Variants in COX4I2 observed in about 807,000 individuals in gnomAD.
COX4I2 encodes cytochrome c oxidase subunit 4 isoform 2, mitochondrial.
Under a neutral mutation model 20.8 loss-of-function variants are expected in COX4I2, and 15 were observed. The ratio of observed to expected loss-of-function variants is 0.72; its 90% confidence interval spans 0.48 to 1.11. The LOEUF (loss-of-function observed/expected upper bound fraction) is 1.11, where lower values mean the gene tolerates loss of function less well. COX4I2 is among the 50% of genes most tolerant of loss of function. COX4I2 has a pLI of 0.00. For synonymous variants in COX4I2, 80 were observed against 78.1 expected, an observed-to-expected ratio of 1.02 and a Z score of -0.13; for missense variants, 224 against 223.0, an observed-to-expected ratio of 1.00 and a Z score of -0.03.
In COX4I2 at chr20:31,643,434, C is replaced by T. The variant is rs778959493; in HGVS notation, c.278C>T (p.Ala93Val). 59 of 1,614,060 alleles carry T rather than the reference C, an allele frequency of 3.7e-5. No homozygotes were observed. The highest frequency in any genetic ancestry group is 4.3e-5 in the Non-Finnish European group (51 of 1,180,038). ...LYRLQFNETF[A>V]EMNRRSNEWK... ...CGGCTCCAGTTCAATGAGACCTTTGCGGAGATGAACCGTCGCTCCAATGAG... is the reference window on the plus strand; with the variant it reads ...CGGCTCCAGTTCAATGAGACCTTTGTGGAGATGAACCGTCGCTCCAATGAG... Residue 93 changes from alanine (A) to valine (V), a missense_variant, in exon 4 of 5, where the codon GCG becomes GTG. Coordinates refer to ENST00000376075, the MANE Select transcript of COX4I2 (RefSeq NM_032609.3).
At chr20:31,640,228 G>A in intron 3 of COX4I2, 131 bp downstream of exon 3, 1 of 916,664 alleles carries the variant, frequency 1.1e-6, no homozygotes, top group Non-Finnish European at 1.6e-6. Flanking sequence ...CCTGAGGGGT[G>A]AAGTTCATGC....
rs1006541943 is a variant in COX4I2, at chr20:31,639,995, C to G, written c.145C>G (p.Pro49Ala). The change falls in exon 3 of 5, where the codon CCA (proline) becomes GCA (alanine). Residue 49 changes from proline (P) to alanine (A), a missense_variant. Coordinates refer to ENST00000376075, the MANE Select transcript of COX4I2 (RefSeq NM_032609.3). ...CTATGCCCAGCGCTACTACCCCATG[C>G]CAGAAGAGCCCTTCTGCACAGAACT... ...NCYAQRYYPM[P>A]EEPFCTELNA... is the part of the protein sequence containing the mutation. 6.2e-7 allele frequency: 1 copy of G among 1,614,074 alleles called. No individual in the cohort carries two copies. Among genetic ancestry groups the G allele is most frequent in the African/African-American group, 1.3e-5 (1 of 75,052 alleles).
At chr20:31,643,261 C>T (rs1246998683) in intron 3 of COX4I2, 143 bp from the exon 4 acceptor site, 2 of 975,050 alleles carry the variant, frequency 2.1e-6, no homozygotes, top group Non-Finnish European at 3.3e-6. Flanking sequence ...ACTGCTGTCA[C>T]CTGTTCCTGG....
At chr20:31,643,049 T>C (rs2060477218) in intron 3 of COX4I2, among the ~76,000 whole-genome samples, 1 of 152,236 alleles carries the variant, frequency 6.6e-6, no homozygotes, top group Non-Finnish European at 1.5e-5. Flanking sequence ...ACTTCACACT[T>C]TCCCTACCCA....
rs2060488294 is a variant in COX4I2 at position 31,644,925 on chromosome 20, C to A, written c.*21C>A. ...AGTGACTTGCATCCCCAGCTGTCTC[C>A]CTGAGGCTCCGCCCTGGCTGGGAGC... On this transcript the variant is annotated 3_prime_UTR_variant, in exon 5 of 5. Transcript: ENST00000376075. 1.9e-6 allele frequency: 3 copies of A among 1,611,612 alleles called. No homozygotes were observed. Among genetic ancestry groups the A allele is most frequent in the Non-Finnish European group, 2.5e-6 (3 of 1,179,062 alleles).
chr20:31,640,293 A>G (rs2060460528), intron 3 of COX4I2, among the ~76,000 whole-genome samples, 196 bp downstream of exon 3: 1 of 152,170 alleles, frequency 6.6e-6, no homozygotes. Flanking sequence ...ATGCTAGGCA[A>G]TGCTGGGGAC....
At chr20:31,639,558 C>CTTTTTTT (rs770616004) in intron 2 of COX4I2, among the ~76,000 whole-genome samples, 11,647 of 132,776 alleles carry the variant, frequency 0.088, 1,867 homozygotes, top group African/African-American at 0.31. Flanking sequence ...TATAAACCTC[C>CTTTTTTT]TTTTTTTTTT....
intron 1 of COX4I2, among the ~76,000 whole-genome samples, chr20:31,638,517 C>T (rs375260816): frequency 2.6e-5 from 4 of 151,438 alleles, no homozygotes; most frequent in African/African-American, 7.3e-5. Flanking sequence ...CCTGTGTGCA[C>T]GTAGGCAGCC....
intron 1 of COX4I2, among the ~76,000 whole-genome samples, chr20:31,638,394 C>T (rs1016708293): frequency 6.6e-6 from 1 of 151,646 alleles, no homozygotes; most frequent in African/African-American, 2.4e-5. Flanking sequence ...CCTCTAAAGC[C>T]CCTCCCCACC....
chr20:31,641,102 A>G (rs1380787328), intron 3 of COX4I2, among the ~76,000 whole-genome samples: 2 of 152,016 alleles, frequency 1.3e-5, no homozygotes, highest in African/African-American at 2.4e-5. Context: ...TAATGGGTGT[A>G]GCACACCAAC....
chr20:31,644,142 T>C (rs556112298), intron 4 of COX4I2, among the ~76,000 whole-genome samples: 2 of 152,328 alleles, frequency 1.3e-5, no homozygotes, highest in African/African-American at 4.8e-5. Context: ...GTGAACACTC[T>C]TACCTACTTC....
At chr20:31,638,544 G>A (rs2060449179) in intron 1 of COX4I2, among the ~76,000 whole-genome samples, 1 of 151,932 alleles carries the variant, frequency 6.6e-6, no homozygotes, top group African/African-American at 2.4e-5. Flanking sequence ...GGGGGAAGGG[G>A]TGGGGGCCAG....
Position 31,640,068 on chromosome 20 carries a change from C to A in COX4I2, c.218C>A (p.Thr73Asn), listed in dbSNP as rs1321619082. The A allele has an allele frequency of 1.9e-6, 3 of 1,612,546 alleles. No individual in the cohort carries two copies. The highest frequency in any genetic ancestry group is 2.2e-5 in the East Asian group (1 of 44,882). The change falls in exon 3 of 5, where the codon ACC becomes AAC. Residue 73 changes from threonine to asparagine, a missense_variant. Thr to Asn is a moderately conservative substitution (Grantham distance 65). Coordinates refer to ENST00000376075, the MANE Select transcript of COX4I2 (RefSeq NM_032609.3). ...ALKEKEKGSW[T>N]QLTHAEKVAL... ...AAGGAGAAGGAGAAGGGAAGCTGGA[C>A]CCAGCTGACCCACGCCGAAAAGGTG...
chr20:31,642,541 G>A (rs1377704632), intron 3 of COX4I2, among the ~76,000 whole-genome samples: 1 of 142,870 alleles, frequency 7.0e-6, no homozygotes, highest in East Asian at 2.1e-4. Context: ...CCGGGTTCAC[G>A]CCATTCTCCT....
At chr20:31,639,256 T>G in intron 2 of COX4I2, 157 bp downstream of exon 2, 1 of 985,384 alleles carries the variant, frequency 1.0e-6, no homozygotes, top group Non-Finnish European at 1.2e-6. Flanking sequence ...AAGGTCAAGT[T>G]TCTCCAGGAA....
chr20:31,643,257 G>A, intron 3 of COX4I2, 147 bp from the exon 4 acceptor site: 1 of 946,548 alleles, frequency 1.1e-6, no homozygotes, highest in East Asian at 2.4e-5. Flanking sequence ...ATTCACTGCT[G>A]TCACCTGTTC....
chr20:31,641,270 A>T (rs569074626), intron 3 of COX4I2, among the ~76,000 whole-genome samples: 44 of 151,658 alleles, frequency 2.9e-4, no homozygotes, highest in African/African-American at 1.0e-3. Flanking sequence ...AGGCAGGAGG[A>T]TCACTTGAGC....
chr20:31,638,302 C>T (rs1050513602), intron 1 of COX4I2, among the ~76,000 whole-genome samples: 5 of 151,672 alleles, frequency 3.3e-5, no homozygotes, highest in African/African-American at 1.2e-4. Context: ...TGTTGGGTGC[C>T]CCTCTCTCTC....
chr20:31,638,440 T>C (rs1360853081), intron 1 of COX4I2, among the ~76,000 whole-genome samples: 3 of 142,348 alleles, frequency 2.1e-5, no homozygotes, highest in Non-Finnish European at 4.6e-5. Flanking sequence ...TCCCTGGGGG[T>C]GGGAGACTGG....
Sources: gnomAD v4.1 joint callset for allele counts (sites outside exome capture counted in the v4.1 genomes callset) on GRCh38, gnomAD v4.1.1 for gene constraint, MANE v1.5 for transcripts, NCBI Gene and HGNC (gene_info 2026-07-23, HGNC 2026-07-21) for gene names.